CERS6: variants seen among roughly 807,000 people sequenced by gnomAD.
CERS6 encodes ceramide synthase 6, also known as LAG1 homolog, ceramide synthase 6.
A neutral mutation model predicts 56.8 loss-of-function variants in CERS6; 26 were observed. The ratio of observed to expected loss-of-function variants is 0.46; its 90% confidence interval spans 0.34 to 0.63. CERS6 has a LOEUF of 0.63. Among genes scored for constraint, CERS6 ranks in the 30% least tolerant of loss-of-function variants. The pLI, the probability that CERS6 is intolerant of heterozygous loss-of-function variation, is 0.01. For missense variants in CERS6, 415 were observed against 467.5 expected (o/e 0.89, Z 1.04); for synonymous variants, 164 against 173.3 (o/e 0.95, Z 0.42).
chr2:168,715,137 T>C lies in CERS6; in HGVS notation c.738+8T>C. 1 of 1,602,288 alleles carries C rather than the reference T, an allele frequency of 6.2e-7. No individual in the cohort carries two copies. Among genetic ancestry groups the C allele is most frequent in the East Asian group, 2.2e-5 (1 of 44,744 alleles). ...GCTGATGCTCTTCTGGAGGTAAAAG[T>C]TTTCTTTCATCTTTAAGAATACAAA... On this transcript the variant is annotated splice_region_variant and intron_variant, in intron 7 of 9. Transcript: ENST00000305747.
At chr2:168,726,569 TGA>T (rs1203955353) in intron 8 of CERS6, among the ~76,000 whole-genome samples, 1 of 152,210 alleles carries the variant, frequency 6.6e-6, no homozygotes, top group Non-Finnish European at 1.5e-5. Flanking sequence ...CTGCTTGTTT[TGA>T]GTCACATTTC....
chr2:168,559,743 A>ATATATATATATATATATATG (rs1296211344), intron 2 of CERS6, among the ~76,000 whole-genome samples: 1 of 120,600 alleles, frequency 8.3e-6, no homozygotes, highest in Admixed American at 8.2e-5. Context: ...TCATATATAT[A>ATATATATATATATATATATG]TATATATATA....
In CERS6 at chr2:168,628,438, C is replaced by A. The variant is rs73969669; in HGVS notation, c.408-2547C>A. Among the ~76,000 whole-genome samples, 1,023 of 152,290 alleles carry A rather than the reference C, an allele frequency of 6.7e-3. 12 individuals carry two copies. The highest frequency in any genetic ancestry group is 0.023 in the African/African-American group (970 of 41,564). ...CATATAAAGCAGCTATCTCCAATAG[C>A]CTTGTTCTTTGTTGCTTTGTATGTG... On this transcript the variant is annotated intron_variant, in intron 3 of 9. Coordinates refer to ENST00000305747, the MANE Select transcript of CERS6 (RefSeq NM_203463.3).
intron 6 of CERS6, among the ~76,000 whole-genome samples, chr2:168,701,589 T>G (rs556884020): frequency 6.6e-6 from 1 of 152,202 alleles, no homozygotes; most frequent in Non-Finnish European, 1.5e-5. Context: ...CTGAGAATGT[T>G]CTTGATGAAG....
At chr2:168,614,065 T>C (rs887050901) in intron 3 of CERS6, among the ~76,000 whole-genome samples, 15 of 152,164 alleles carry the variant, frequency 9.9e-5, no homozygotes, top group Non-Finnish European at 1.5e-4. Flanking sequence ...ATTGGAAAAA[T>C]GTAAGCATTG....
At chr2:168,473,226 C>T (rs929920097) in intron 1 of CERS6, among the ~76,000 whole-genome samples, 1 of 151,724 alleles carries the variant, frequency 6.6e-6, no homozygotes, top group East Asian at 1.9e-4. Context: ...TTTTTCACAC[C>T]TGCCTACCAT....
chr2:168,652,707 T>G (rs1016770281), intron 4 of CERS6, among the ~76,000 whole-genome samples: 1 of 152,004 alleles, frequency 6.6e-6, no homozygotes, highest in Non-Finnish European at 1.5e-5. Context: ...AATAAACCAA[T>G]TTATTACTAC....
chr2:168,769,479 C>G, intron 9 of CERS6, 31 bp from the exon 10 acceptor site: 1 of 1,532,886 alleles, frequency 6.5e-7, no homozygotes. Flanking sequence ...TTCTTAGGTG[C>G]TGGTTATACT....
chr2:168,603,285 C>T (rs1379180915), intron 3 of CERS6, among the ~76,000 whole-genome samples: 1 of 152,124 alleles, frequency 6.6e-6, no homozygotes, highest in Non-Finnish European at 1.5e-5. Context: ...CCAGCAGCCC[C>T]ATGGAATAAC....
chr2:168,760,292 C>G (rs1006595392), intron 8 of CERS6, among the ~76,000 whole-genome samples: 2 of 152,142 alleles, frequency 1.3e-5, no homozygotes, highest in African/African-American at 4.8e-5. Context: ...AACTCGGAGT[C>G]TGATGTTTGA....
intron 4 of CERS6, among the ~76,000 whole-genome samples, chr2:168,633,544 GC>G (rs1401341876): frequency 1.3e-5 from 2 of 152,148 alleles, no homozygotes; most frequent in African/African-American, 2.4e-5. Context: ...TACCCTAACT[GC>G]CCTAACCTCA....
At chr2:168,670,580 T>G (rs904069017) in intron 4 of CERS6, among the ~76,000 whole-genome samples, 1 of 152,190 alleles carries the variant, frequency 6.6e-6, no homozygotes, top group Admixed American at 6.5e-5. Flanking sequence ...GATGGCTTAT[T>G]TATATATAAA....
intron 1 of CERS6, among the ~76,000 whole-genome samples, chr2:168,469,960 C>T (rs897978708): frequency 2.5e-4 from 38 of 152,112 alleles, no homozygotes; most frequent in Admixed American, 2.2e-3. Flanking sequence ...CTGGCAGAGC[C>T]TGGCTGACCT....
chr2:168,509,510 TCCTGAC>T (rs1694740462), intron 1 of CERS6, among the ~76,000 whole-genome samples: 1 of 152,172 alleles, frequency 6.6e-6, no homozygotes, highest in African/African-American at 2.4e-5. Flanking sequence ...CAGACCTGCA[TCCTGAC>T]CCTGCCTCCA....
At chr2:168,482,397 C>T (rs1415593649) in intron 1 of CERS6, among the ~76,000 whole-genome samples, 1 of 152,200 alleles carries the variant, frequency 6.6e-6, no homozygotes, top group African/African-American at 2.4e-5. Context: ...GTTGTGTAGC[C>T]ATAGAAGCTA....
At chr2:168,616,552 G>A (rs1320796552) in intron 3 of CERS6, among the ~76,000 whole-genome samples, 2 of 152,172 alleles carry the variant, frequency 1.3e-5, no homozygotes, top group African/African-American at 4.8e-5. Context: ...GACTTTCCAT[G>A]CAAATGGACA....
At chr2:168,606,975 A>G (rs181342867) in intron 3 of CERS6, among the ~76,000 whole-genome samples, 6 of 152,294 alleles carry the variant, frequency 3.9e-5, no homozygotes, top group Admixed American at 1.3e-4. Context: ...GCCTCTCAAG[A>G]AGCAGATGCT....
At chr2:168,674,438 T>G (rs778903327) in intron 4 of CERS6, among the ~76,000 whole-genome samples, 7 of 152,196 alleles carry the variant, frequency 4.6e-5, no homozygotes, top group Non-Finnish European at 1.0e-4. Flanking sequence ...TTTGACTGGT[T>G]TTTGGCTTCT....
chr2:168,716,061 A>G (rs1217543912), intron 7 of CERS6, among the ~76,000 whole-genome samples: 2 of 152,088 alleles, frequency 1.3e-5, no homozygotes, highest in African/African-American at 4.8e-5. Context: ...GCAGAATTCT[A>G]TGCTATAAAA....
Sources: gnomAD v4.1 joint callset for allele counts (sites outside exome capture counted in the v4.1 genomes callset) on GRCh38, gnomAD v4.1.1 for gene constraint, MANE v1.5 for transcripts, NCBI Gene and HGNC (gene_info 2026-07-23, HGNC 2026-07-21) for gene names.